DENND2B: variants seen among roughly 807,000 people sequenced by gnomAD.
DENND2B encodes DENN domain containing 2B.
Under a neutral mutation model 116.0 loss-of-function variants are expected in DENND2B, and 32 were observed. That is an observed-to-expected ratio of 0.28 (90% CI 0.21 to 0.37). DENND2B has a LOEUF of 0.37. Among genes scored for constraint, DENND2B ranks in the 10% least tolerant of loss-of-function variants. The pLI is 1.00. For synonymous variants in DENND2B, 588 were observed against 583.9 expected, an observed-to-expected ratio of 1.01 and a Z score of -0.10; for missense variants, 1,276 against 1,477.7, an observed-to-expected ratio of 0.86 and a Z score of 2.24.
intron 4 of DENND2B, among the ~76,000 whole-genome samples, chr11:8,816,557 A>G (rs1210109344): frequency 6.6e-6 from 1 of 152,010 alleles, no homozygotes; most frequent in Non-Finnish European, 1.5e-5. Flanking sequence ...TCTCAAAAAA[A>G]AAAAAAAAAG....
At chr11:8,726,873 A>C (rs2047164027) in intron 3 of DENND2B, among the ~76,000 whole-genome samples, 2 of 152,230 alleles carry the variant, frequency 1.3e-5, no homozygotes, top group Non-Finnish European at 1.5e-5. Flanking sequence ...TGAGCCCTTA[A>C]AACAAATAAG....
rs1169487967 is a variant in DENND2B, at chr11:8,903,879, G to A, written c.-256+6942C>T. Among the ~76,000 whole-genome samples, 6 of 100,754 alleles carry A rather than the reference G, an allele frequency of 6.0e-5. No individual in the cohort carries two copies. In the Admixed American group the frequency reaches 7.4e-4, roughly 12 times the overall value. The allele number at this position is 100,754 out of a possible 152,430, so 66.1% of individuals were successfully genotyped here. Reference sequence around the variant, plus strand: ...ACTCCAGCCTTGGCAACAGGAGTGAGACCTTGTCTCAAAAAAAAAAAAAAA... The same window carrying A: ...ACTCCAGCCTTGGCAACAGGAGTGAAACCTTGTCTCAAAAAAAAAAAAAAA... On this transcript the variant is annotated intron_variant, in intron 1 of 22. Coordinates refer to the DENND2B transcript ENST00000534127.
chr11:8,722,311 CAG>C (rs1198768231), intron 4 of DENND2B, among the ~76,000 whole-genome samples: 2 of 152,172 alleles, frequency 1.3e-5, no homozygotes, highest in African/African-American at 4.8e-5. Context: ...CTATGACAGA[CAG>C]GACTCCAGTC....
chr11:8,745,979 C>A (rs2051171527), intron 2 of DENND2B, among the ~76,000 whole-genome samples: 1 of 152,158 alleles, frequency 6.6e-6, no homozygotes, highest in Non-Finnish European at 1.5e-5. Flanking sequence ...AATTGGTGGG[C>A]AAAATAAATA....
At chr11:8,695,615 T>C in intron 18 of DENND2B, 66 bp from the exon 19 acceptor site, 1 of 1,408,236 alleles carries the variant, frequency 7.1e-7, no homozygotes, top group East Asian at 2.3e-5. Context: ...GAGGCCTACA[T>C]GAAGGGAACC....
At position 8,904,208 on chromosome 11, in the gene DENND2B, C is replaced by T. The variant is rs149377167; in HGVS notation, c.-256+6613G>A. ...AATACTAGCAAACCAAATTCAACAA[C>T]GAAAGATTGGCTTAATATCCAAAAA... is the stretch of plus-strand genomic sequence containing the variant. On this transcript the variant is annotated intron_variant, in intron 1 of 22. Coordinates refer to the DENND2B transcript ENST00000534127. Among the ~76,000 whole-genome samples, 966 of 152,026 alleles carry T rather than the reference C, an allele frequency of 6.4e-3. 5 individuals carry two copies. Among genetic ancestry groups the T allele is most frequent in the Non-Finnish European group, 8.0e-3 (545 of 67,968 alleles).
chr11:8,705,981 A>G (rs2042528252), intron 13 of DENND2B, among the ~76,000 whole-genome samples: 1 of 152,216 alleles, frequency 6.6e-6, no homozygotes, highest in African/African-American at 2.4e-5. Flanking sequence ...CAGGTGGCTC[A>G]CGCCTGTAGT....
chr11:8,834,087 T>C (rs2062323726), intron 4 of DENND2B, among the ~76,000 whole-genome samples: 1 of 152,194 alleles, frequency 6.6e-6, no homozygotes. Flanking sequence ...AAATCAGCTG[T>C]GACTGTACTT....
At chr11:8,719,204 C>T (rs566740638) in intron 4 of DENND2B, 16 of 985,326 alleles carry the variant, frequency 1.6e-5, no homozygotes, top group African/African-American at 3.5e-5. Context: ...AGAGAGGACA[C>T]GGGAGAAGAG....
chr11:8,717,593 C>A, intron 5 of DENND2B, 148 bp downstream of exon 5: 4 of 895,796 alleles, frequency 4.5e-6, no homozygotes, highest in Non-Finnish European at 6.2e-6. Flanking sequence ...CGAGATCGGG[C>A]ACGTTCAGGG....
chr11:8,696,501 A>G lies in DENND2B; in HGVS notation c.3218T>C (p.Leu1073Pro). The G allele has an allele frequency of 6.2e-7, 1 of 1,614,202 alleles. No individual in the cohort carries two copies. Among genetic ancestry groups the G allele is most frequent in the Admixed American group, 1.7e-5 (1 of 60,032 alleles). Residue 1073 changes from leucine (L) to proline (P), a missense_variant, in exon 18 of 20, where the codon CTT becomes CCT. Leu to Pro is a moderately conservative substitution (Grantham distance 98). Coordinates refer to ENST00000313726, the MANE Select transcript of DENND2B (RefSeq NM_213618.2). ...SVASKSIRRFLEVFMESQMFA... is the reference protein window; with the variant it reads ...SVASKSIRRFPEVFMESQMFA... The stretch of plus-strand genomic sequence containing the variant: ...CATCTGAGACTCCATAAAAACCTCA[A>G]GAAAGCGGCGGATGCTTTTGGAGGC...
intron 2 of DENND2B, among the ~76,000 whole-genome samples, chr11:8,745,639 C>G (rs1019272351): frequency 1.3e-5 from 2 of 152,190 alleles, no homozygotes; most frequent in African/African-American, 4.8e-5. Context: ...TTGTTACTGT[C>G]TTAATCAATA....
intron 1 of DENND2B, among the ~76,000 whole-genome samples, chr11:8,775,642 C>T (rs564395843): frequency 1.3e-5 from 2 of 152,230 alleles, no homozygotes; most frequent in African/African-American, 2.4e-5. Context: ...CTCAAGGACA[C>T]GCTGCCGGAA....
chr11:8,823,228 A>C (rs758772299), intron 4 of DENND2B, among the ~76,000 whole-genome samples: 7 of 152,136 alleles, frequency 4.6e-5, no homozygotes, highest in Non-Finnish European at 7.3e-5. Context: ...ATTTATCTGG[A>C]CTTCAGAAAA....
At chr11:8,882,406 T>A (rs1225620125) in intron 1 of DENND2B, among the ~76,000 whole-genome samples, 1 of 152,242 alleles carries the variant, frequency 6.6e-6, no homozygotes, top group East Asian at 1.9e-4. Context: ...ATAACCATTG[T>A]TCATAAGTAT....
At chr11:8,832,279 C>T (rs1425982369) in intron 4 of DENND2B, among the ~76,000 whole-genome samples, 1 of 152,062 alleles carries the variant, frequency 6.6e-6, no homozygotes, top group Non-Finnish European at 1.5e-5. Context: ...GGTGAAACCC[C>T]GTCTCTAGTA....
At chr11:8,852,896 C>T (rs1039560092) in intron 3 of DENND2B, among the ~76,000 whole-genome samples, 2 of 152,124 alleles carry the variant, frequency 1.3e-5, no homozygotes, top group African/African-American at 4.8e-5. Context: ...CGATTCATGA[C>T]ACATTTGGGA....
At chr11:8,881,815 G>A (rs1015483001) in intron 1 of DENND2B, among the ~76,000 whole-genome samples, 1 of 152,176 alleles carries the variant, frequency 6.6e-6, no homozygotes, top group Non-Finnish European at 1.5e-5. Flanking sequence ...AAAGCGCTGG[G>A]ATTACAGGCG....
upstream of DENND2B, among the ~76,000 whole-genome samples, chr11:8,815,136 G>A (rs1243982012): frequency 1.3e-5 from 2 of 151,922 alleles, no homozygotes; most frequent in East Asian, 3.9e-4. Context: ...CTCCCACGAT[G>A]ACAAGGTTCT....
Sources: allele counts gnomAD v4.1 joint callset (sites outside exome capture counted in the v4.1 genomes callset), GRCh38; gene constraint gnomAD v4.1.1; transcripts MANE v1.5; gene names NCBI Gene and HGNC (gene_info 2026-07-23, HGNC 2026-07-21).